Variants in ARL2 observed in about 807,000 individuals in gnomAD.
ARL2 encodes ARF like GTPase 2.
Under a neutral mutation model 22.0 loss-of-function variants are expected in ARL2, and 11 were observed. The observed-to-expected ratio is 0.50, with a 90% CI of 0.31 to 0.83. The LOEUF is 0.83. ARL2 is among the 40% of genes least tolerant of loss of function. The pLI, the probability that ARL2 is intolerant of heterozygous loss-of-function variation, is 0.04. For missense variants in ARL2, 216 were observed against 243.2 expected, an observed-to-expected ratio of 0.89 and a Z score of 0.74; for synonymous variants, 111 against 100.8, an observed-to-expected ratio of 1.10 and a Z score of -0.61.
At chr11:65,020,287 C>G in intron 3 of ARL2, 132 bp from the exon 4 acceptor site, 1 of 763,906 alleles carries the variant, frequency 1.3e-6, no homozygotes, top group Non-Finnish European at 2.3e-6. Flanking sequence ...ACTCCTGGGC[C>G]TCTCCCACCA....
Position 65,018,407 on chromosome 11 carries a change from A to G in ARL2, c.109A>G (p.Asn37Asp). ...AGKTTILKKFNGEDIDTISPT... is the reference protein window; with the variant it reads ...AGKTTILKKFDGEDIDTISPT... The stretch of plus-strand genomic sequence containing the variant: ...AAAGACAACCATCCTGAAGAAGTTC[A>G]ATGGGGAGGACATCGACACCATCTC... The change falls in exon 2 of 5, where the codon AAT (asparagine) becomes GAT (aspartate). Residue 37 changes from asparagine (N) to aspartate (D), a missense_variant. By Grantham distance (23) the Asn-to-Asp change is conservative. Coordinates refer to ENST00000246747, the MANE Select transcript of ARL2 (RefSeq NM_001667.4). This position sits in a 1 kb window ranked among gnomAD's most constrained non-coding sequence, Gnocchi z 4.2. 1 of 1,609,658 alleles carries G rather than the reference A, an allele frequency of 6.2e-7. No individual in the cohort carries two copies. Among genetic ancestry groups the G allele is most frequent in the Non-Finnish European group, 8.5e-7 (1 of 1,178,422 alleles).
intron 1 of ARL2, among the ~76,000 whole-genome samples, chr11:65,017,627 G>A (rs971188841): frequency 3.3e-5 from 5 of 152,172 alleles, no homozygotes; most frequent in African/African-American, 1.2e-4. Flanking sequence ...AGGGGCTAAG[G>A]CTGGGCCTCA....
At chr11:65,017,185 G>A (rs1316481510) in intron 1 of ARL2, among the ~76,000 whole-genome samples, 2 of 151,722 alleles carry the variant, frequency 1.3e-5, no homozygotes, top group African/African-American at 2.4e-5. Context: ...GAGATCAAGG[G>A]CTTTGTTTGC....
intron 4 of ARL2, 99 bp from the exon 5 acceptor site, chr11:65,021,619 TGAG>T: frequency 7.1e-7 from 1 of 1,405,542 alleles, no homozygotes; most frequent in South Asian, 1.4e-5. Flanking sequence ...AGCAGGGCCT[TGAG>T]GAAGGCGTGG....
Position 65,021,964 on chromosome 11 carries a change from A to C in ARL2, c.*109A>C, listed in dbSNP as rs1590733133. 4 of 1,429,800 alleles carry C rather than the reference A, an allele frequency of 2.8e-6. No homozygotes were observed. 88.6% of individuals were successfully genotyped at this position (1,429,800 alleles called of 1,614,324 possible). On this transcript the variant is annotated 3_prime_UTR_variant, in exon 5 of 5. Coordinates refer to ENST00000246747, the MANE Select transcript of ARL2 (RefSeq NM_001667.4). The stretch of plus-strand genomic sequence containing the variant: ...GCCAAACTAACACTCCCCCTCCTCC[A>C]CCCCAGCCTGCTGCTGCTACTGCTG...
At position 65,018,783 on chromosome 11, in the gene ARL2, C is replaced by T. The variant is rs758866064; in HGVS notation, c.339+50C>T. 2 of 1,607,694 alleles carry T rather than the reference C, an allele frequency of 1.2e-6. No individual in the cohort carries two copies. Among genetic ancestry groups the T allele is most frequent in the South Asian group, 2.2e-5 (2 of 90,592 alleles). On this transcript the variant is annotated intron_variant, in intron 3 of 4. Transcript: ENST00000246747. This position sits in a 1 kb window ranked among gnomAD's most constrained non-coding sequence, Gnocchi z 4.2. ...ACATGTATGGACGTGTGGCTGCCTT[C>T]TCAGCAGATGCCCAGAGGGGCCCGT...
intron 1 of ARL2, among the ~76,000 whole-genome samples, chr11:65,014,754 G>C (rs1946229775): frequency 6.6e-6 from 1 of 152,206 alleles, no homozygotes; most frequent in African/African-American, 2.4e-5. Context: ...TTGGTGTTAC[G>C]CGGCCCGTGG....
In ARL2 at chr11:65,021,729, G is replaced by A; in HGVS notation, c.429G>A (p.Glu143=). ...LSSNAIREVL[E]LDSIRSHHWC... is the part of the protein sequence containing the mutation. ...CACCTTTGTCCTCCCAGGTCCTGGA[G>A]CTGGACTCCATCCGCAGCCACCACT... is the stretch of plus-strand genomic sequence containing the variant. The change falls in exon 5 of 5, where the codon GAG becomes GAA. Residue 143 remains glutamate (E), a synonymous_variant. Transcript: ENST00000246747. 1 of 1,604,266 alleles carries A rather than the reference G, an allele frequency of 6.2e-7. No individual in the cohort carries two copies. The highest frequency in any genetic ancestry group is 8.5e-7 in the Non-Finnish European group (1 of 1,176,174).
At position 65,014,715 on chromosome 11, in the gene ARL2, T is replaced by C. The variant is rs367928984; in HGVS notation, c.65+443T>C. On this transcript the variant is annotated intron_variant, in intron 1 of 4. Transcript: ENST00000246747. ...GGCGCGTGTGGGCTCCGCGGATCCT[T>C]TCGAGCGTGGATCCAACAGTCCGTC... Among the ~76,000 whole-genome samples the C allele has an allele frequency of 8.5e-5, 13 of 152,310 alleles. No individual in the cohort carries two copies. In the East Asian group the frequency reaches 1.7e-3, roughly 20 times the overall value.
rs769398732 is a variant in ARL2 at position 65,020,425 on chromosome 11, G to A, written c.346G>A (p.Ala116Thr). Residue 116 changes from alanine to threonine, a missense_variant, in exon 4 of 5, where the codon GCC becomes ACC. Physicochemically the swap from Ala to Thr is moderately conservative, Grantham distance 58. Transcript: ENST00000246747. ...TCTATCTTTTCTCCCCCAGCGCCTG[G>A]CCGGAGCAACCCTCCTCATCTTTGC... ...LQSLLVEERL[A>T]GATLLIFANK... The A allele has an allele frequency of 6.2e-7, 1 of 1,612,842 alleles. No individual in the cohort carries two copies. Among genetic ancestry groups the A allele is most frequent in the East Asian group, 2.2e-5 (1 of 44,856 alleles).
intron 1 of ARL2, among the ~76,000 whole-genome samples, chr11:65,014,877 T>A (rs1359243203): frequency 2.0e-5 from 3 of 152,360 alleles, no homozygotes; most frequent in African/African-American, 7.2e-5. Flanking sequence ...TGTGCCAGGC[T>A]CCGCGGGGGA....
chr11:65,015,585 T>A (rs1033424136), intron 1 of ARL2, among the ~76,000 whole-genome samples: 2 of 151,026 alleles, frequency 1.3e-5, no homozygotes, highest in African/African-American at 4.9e-5. Flanking sequence ...GGCGGGGGGG[T>A]TGCCCGCGGG....
intron 4 of ARL2, 90 bp downstream of exon 4, chr11:65,020,589 C>T: frequency 6.7e-6 from 9 of 1,353,270 alleles, no homozygotes; most frequent in South Asian, 2.8e-5. Context: ...ACCAAAAAGG[C>T]TGGGTGCAGT....
chr11:65,016,616 A>G (rs1412850442), intron 1 of ARL2, among the ~76,000 whole-genome samples: 1 of 151,764 alleles, frequency 6.6e-6, no homozygotes, highest in Non-Finnish European at 1.5e-5. Flanking sequence ...CTGGGGGAGG[A>G]GCAGGTTCAG....
intron 1 of ARL2, among the ~76,000 whole-genome samples, chr11:65,015,952 TC>T (rs1423563347): frequency 6.6e-6 from 1 of 152,038 alleles, no homozygotes; most frequent in Admixed American, 6.6e-5. Flanking sequence ...ATGCCTGTAA[TC>T]CCAGCACTTT....
intron 3 of ARL2, chr11:65,019,148 G>C (rs532301044): frequency 1.0e-4 from 37 of 357,462 alleles, no homozygotes; most frequent in African/African-American, 6.2e-4. Context: ...CAGACAGGAG[G>C]ATCAGTTGAG....
chr11:65,017,951 T>C (rs1244998416), intron 1 of ARL2, among the ~76,000 whole-genome samples: 1 of 152,238 alleles, frequency 6.6e-6, no homozygotes, highest in Non-Finnish European at 1.5e-5. Flanking sequence ...CAGAGAGGCC[T>C]TCCCCGGCAC....
chr11:65,020,955 A>C (rs1216082531), intron 4 of ARL2, among the ~76,000 whole-genome samples: 1 of 152,170 alleles, frequency 6.6e-6, no homozygotes, highest in Non-Finnish European at 1.5e-5. Context: ...GGACCTATGC[A>C]GGGCACTGGG....
intron 3 of ARL2, 88 bp from the exon 4 acceptor site, chr11:65,020,331 C>T: frequency 8.8e-7 from 1 of 1,142,720 alleles, no homozygotes; most frequent in Non-Finnish European, 1.3e-6. Flanking sequence ...CCAGGTCGAT[C>T]CTTCACCCCA....
Sources: gnomAD v4.1 joint callset for allele counts (sites outside exome capture counted in the v4.1 genomes callset) on GRCh38, gnomAD v4.1.1 for gene constraint, Gnocchi (gnomAD v3.1) non-coding constraint, MANE v1.5 for transcripts, NCBI Gene and HGNC (gene_info 2026-07-23, HGNC 2026-07-21) for gene names.